The following MAGI1 variants were observed in gnomAD, a reference collection of about 807,000 sequenced individuals.
MAGI1 encodes membrane associated guanylate kinase, WW and PDZ domain containing 1.
In MAGI1, 58 loss-of-function variants were observed where a neutral mutation model predicts 139.9. The ratio of observed to expected loss-of-function variants is 0.41; its 90% CI spans 0.34 to 0.52. MAGI1 has a LOEUF of 0.52. Ranked by LOEUF, MAGI1 falls within the 20% of genes least tolerant of loss-of-function variation. The pLI is 0.12. For synonymous variants in MAGI1, 812 were observed against 737.9 expected, an observed-to-expected ratio of 1.10 and a Z score of -1.63; for missense variants, 1,874 against 1,901.6, an observed-to-expected ratio of 0.99 and a Z score of 0.27.
At chr3:65,894,712 G>A (rs1283148119) in intron 1 of MAGI1, among the ~76,000 whole-genome samples, 2 of 152,188 alleles carry the variant, frequency 1.3e-5, no homozygotes, top group Non-Finnish European at 2.9e-5. Context: ...GAGATACCCA[G>A]GCAACACAAT....
At chr3:65,417,835 A>G (rs1246713800) in intron 12 of MAGI1, among the ~76,000 whole-genome samples, 1 of 152,158 alleles carries the variant, frequency 6.6e-6, no homozygotes, top group Non-Finnish European at 1.5e-5. Context: ...TTTAAGACTG[A>G]TTAAAAAATA....
intron 4 of MAGI1, among the ~76,000 whole-genome samples, chr3:65,477,692 C>T (rs1179991335): frequency 1.4e-5 from 2 of 138,614 alleles, no homozygotes; most frequent in African/African-American, 5.2e-5. Context: ...GAACACGCAA[C>T]ATTATTATTA....
intron 1 of MAGI1, among the ~76,000 whole-genome samples, chr3:65,803,341 T>A (rs1016212456): frequency 2.6e-5 from 4 of 152,180 alleles, no homozygotes; most frequent in African/African-American, 9.6e-5. Context: ...TTTCTAATTT[T>A]AATACATTTT....
rs1379899475 is a variant in MAGI1, at chr3:66,038,439, T to C, written c.-131A>G. ...AATCACAAAACAGGAGAGAGAAACT[T>C]GGCAGCCTCGCTCCCCTGCACACGC... is the stretch of plus-strand genomic sequence containing the variant. On this transcript the variant is annotated 5_prime_UTR_variant, in exon 1 of 23. Transcript: ENST00000402939. The C allele has an allele frequency of 1.6e-6, 2 of 1,289,856 alleles. No individual in the cohort carries two copies. Among genetic ancestry groups the C allele is most frequent in the Non-Finnish European group, 2.1e-6 (2 of 972,708 alleles). 79.9% of individuals were successfully genotyped at this position (1,289,856 alleles called of 1,614,324 possible). A position where few individuals can be genotyped will look rare whatever the true frequency, so the allele number is the denominator to read the frequency against.
chr3:65,696,447 T>C (rs1361855934), intron 1 of MAGI1, among the ~76,000 whole-genome samples: 3 of 152,170 alleles, frequency 2.0e-5, no homozygotes, highest in African/African-American at 7.2e-5. Flanking sequence ...TCATGGGGCA[T>C]CTCTAACACT....
rs867609247 is a variant in MAGI1 at position 65,887,406 on chromosome 3, G to T, written c.313+150590C>A. Among the ~76,000 whole-genome samples the T allele has an allele frequency of 2.4e-5, 3 of 124,480 alleles. No individual in the cohort carries two copies. The South Asian group carries it at 7.3e-4, about 30-fold the overall frequency. 81.7% of individuals were successfully genotyped at this position (124,480 alleles called of 152,430 possible). ...TGATACCAGAAAAAAAAAAAAAAAA[G>T]GGCAGGGGCAAGAGGGGGAAATAAG... On this transcript the variant is annotated intron_variant, in intron 1 of 22. Transcript: ENST00000402939.
chr3:65,818,788 A>T (rs1369008620), intron 1 of MAGI1, among the ~76,000 whole-genome samples: 1 of 152,180 alleles, frequency 6.6e-6, no homozygotes, highest in East Asian at 1.9e-4. Context: ...TTATAGGACA[A>T]TTGTTACAGC....
At chr3:65,361,455 C>T (rs1337579865) in intron 21 of MAGI1, 118 bp from the exon 22 acceptor site, 2 of 914,412 alleles carry the variant, frequency 2.2e-6, no homozygotes, top group Non-Finnish European at 3.3e-6. Flanking sequence ...CAAAAACAAA[C>T]AGAAATCCCT....
At chr3:65,947,060 T>G (rs931019684) in intron 1 of MAGI1, among the ~76,000 whole-genome samples, 2 of 152,218 alleles carry the variant, frequency 1.3e-5, no homozygotes, top group Non-Finnish European at 2.9e-5. Context: ...TCTTGTGTTA[T>G]GTTTGGTACC....
chr3:65,620,052 A>T (rs1412099368), intron 2 of MAGI1: 5 of 927,774 alleles, frequency 5.4e-6, no homozygotes, highest in Non-Finnish European at 6.4e-6. Context: ...TTTAGCTCAC[A>T]GTCAGGTCCA....
intron 2 of MAGI1, among the ~76,000 whole-genome samples, chr3:65,528,289 T>C (rs17073056): frequency 0.025 from 3,770 of 152,340 alleles, 169 homozygotes; most frequent in African/African-American, 0.086. Context: ...TTGCAAAATT[T>C]ATCTAAGCGT....
rs866600521 is a variant in MAGI1, at chr3:65,903,809, A to T, written c.313+134187T>A. Among the ~76,000 whole-genome samples the T allele has an allele frequency of 2.0e-5, 3 of 152,032 alleles. No homozygotes were observed. The South Asian group carries it at 6.2e-4, about 32-fold the overall frequency. On this transcript the variant is annotated intron_variant, in intron 1 of 22. Coordinates refer to ENST00000402939, the MANE Select transcript of MAGI1 (RefSeq NM_001033057.2). ...GATCACCTGAGGTCTGGAGGTCAAA[A>T]CCAGCCTGGCCAATGTGGTGAAACC...
At chr3:65,576,704 G>T (rs2081195012) in intron 2 of MAGI1, among the ~76,000 whole-genome samples, 1 of 152,146 alleles carries the variant, frequency 6.6e-6, no homozygotes, top group Non-Finnish European at 1.5e-5. Context: ...ATTCCAGGAA[G>T]CCTCCTATTG....
chr3:65,416,552 TATA>T (rs1946231340), intron 12 of MAGI1, among the ~76,000 whole-genome samples: 1 of 152,204 alleles, frequency 6.6e-6, no homozygotes, highest in Non-Finnish European at 1.5e-5. Context: ...GGCACTCCTC[TATA>T]ATGAGAGAAT....
chr3:65,754,845 T>G (rs577265957), intron 1 of MAGI1, among the ~76,000 whole-genome samples: 3 of 152,354 alleles, frequency 2.0e-5, no homozygotes, highest in Non-Finnish European at 4.4e-5. Flanking sequence ...TCAGCTAGTT[T>G]TCTATGTTTA....
At chr3:65,708,033 G>T (rs947437745) in intron 1 of MAGI1, among the ~76,000 whole-genome samples, 3 of 152,148 alleles carry the variant, frequency 2.0e-5, no homozygotes, top group Non-Finnish European at 4.4e-5. Flanking sequence ...AAAAAGTATG[G>T]AATTGGACAT....
chr3:65,946,177 C>A (rs1359310426), intron 1 of MAGI1, among the ~76,000 whole-genome samples: 2 of 152,226 alleles, frequency 1.3e-5, no homozygotes, highest in South Asian at 2.1e-4. Context: ...GCCATTCCTG[C>A]ATGCCCTCCC....
intron 1 of MAGI1, among the ~76,000 whole-genome samples, chr3:65,672,843 G>C (rs1403777882): frequency 2.0e-5 from 3 of 152,164 alleles, no homozygotes; most frequent in Non-Finnish European, 4.4e-5. Context: ...CACTATTAAA[G>C]TGTTAAAAGA....
intron 2 of MAGI1, among the ~76,000 whole-genome samples, chr3:65,517,227 CTT>C (rs932617848): frequency 1.1e-4 from 16 of 152,182 alleles, no homozygotes; most frequent in African/African-American, 3.9e-4. Context: ...CTACAACACT[CTT>C]GTCTCAGTTG....
Sources: allele counts gnomAD v4.1 joint callset (sites outside exome capture counted in the v4.1 genomes callset), GRCh38; gene constraint gnomAD v4.1.1; transcripts MANE v1.5; gene names NCBI Gene and HGNC (gene_info 2026-07-23, HGNC 2026-07-21).